The following RABGEF1 variants were observed in gnomAD, a reference collection of about 807,000 sequenced individuals.
RABGEF1 encodes rab5 GDP/GTP exchange factor.
Under a neutral mutation model 57.3 loss-of-function variants are expected in RABGEF1, and 26 were observed. The observed-to-expected ratio is 0.45, with a 90% CI of 0.33 to 0.63. The LOEUF (loss-of-function observed/expected upper bound fraction) is 0.63. Among genes scored for constraint, RABGEF1 ranks in the 20% least tolerant of loss-of-function variants. The probability of loss-of-function intolerance (pLI) is 0.02; values close to 1 mark genes in which losing one functional copy is unlikely to be tolerated. For missense variants in RABGEF1, 464 were observed against 607.6 expected (o/e 0.76, Z 2.48); for synonymous variants, 185 against 210.7 (o/e 0.88, Z 1.06).
At chr7:66,695,553 A>C (rs571055910) in intron 1 of RABGEF1, among the ~76,000 whole-genome samples, 2 of 152,244 alleles carry the variant, frequency 1.3e-5, no homozygotes, top group South Asian at 4.1e-4. Flanking sequence ...TCTGGGGAGG[A>C]CTGGGGACAA....
At position 66,783,660 on chromosome 7, in the gene RABGEF1, T is replaced by C; in HGVS notation, c.347-15T>C. 6.3e-7 allele frequency: 1 copy of C among 1,592,850 alleles called. No individual in the cohort carries two copies. The highest frequency in any genetic ancestry group is 8.6e-7 in the Non-Finnish European group (1 of 1,168,438). ...TTTATGTCATGAAACTTACTATGTT[T>C]AATTTTCCCAGCAGAAATTCAGGAA... On this transcript the variant is annotated splice_polypyrimidine_tract_variant and intron_variant, in intron 3 of 8. Transcript: ENST00000284957.
chr7:66,681,735 G>A (rs1449068878), upstream of RABGEF1, among the ~76,000 whole-genome samples: 1 of 152,160 alleles, frequency 6.6e-6, no homozygotes, highest in Non-Finnish European at 1.5e-5. Flanking sequence ...CACATCCTAG[G>A]ATCCGCGAAG....
At chr7:66,795,039 C>T (rs923547385) in intron 4 of RABGEF1, among the ~76,000 whole-genome samples, 5 of 152,118 alleles carry the variant, frequency 3.3e-5, no homozygotes, top group Admixed American at 2.0e-4. Context: ...GGAAAAACTC[C>T]AGCCAGCCTG....
At chr7:66,662,784 C>T in the RABGEF1 span, among the ~76,000 whole-genome samples, 12 of 150,468 alleles carry the variant, frequency 8.0e-5, no homozygotes, top group Non-Finnish European at 1.5e-4. Context: ...CGTGTGTGCA[C>T]GCATGTGTGT....
intron 8 of RABGEF1, among the ~76,000 whole-genome samples, chr7:66,805,973 G>A (rs1788357293): frequency 6.6e-6 from 1 of 150,722 alleles, no homozygotes; most frequent in Non-Finnish European, 1.5e-5. Context: ...TCATACTCCT[G>A]GACTCAAGCA....
chr7:66,741,988 AAAG>A (rs1799083265), intron 1 of RABGEF1, among the ~76,000 whole-genome samples: 1 of 151,712 alleles, frequency 6.6e-6, no homozygotes, highest in East Asian at 1.9e-4. Context: ...TAAAAAAAAA[AAAG>A]AAAAAGAAAA....
At position 66,714,791 on chromosome 7, in the gene RABGEF1, C is replaced by T. The variant is rs543455392; in HGVS notation, c.-815+2567C>T. On this transcript the variant is annotated intron_variant and NMD_transcript_variant, in intron 2 of 9. Coordinates refer to the RABGEF1 transcript ENST00000607882. ...TCTACTAAAAATACAAAAAATTAGC[C>T]GGGCATGGTGGCTGGCTCCTGTAGT... is the stretch of plus-strand genomic sequence containing the variant. 5.3e-5 allele frequency among the ~76,000 whole-genome samples: 8 copies of T among 152,184 alleles called. No homozygotes were observed. In the South Asian group the frequency reaches 1.2e-3, roughly 24 times the overall value.
At chr7:66,715,079 C>G (rs766935228) in intron 2 of RABGEF1, among the ~76,000 whole-genome samples, 10 of 151,696 alleles carry the variant, frequency 6.6e-5, no homozygotes, top group Non-Finnish European at 1.2e-4. Context: ...TTCTCTTTCT[C>G]TTTCTCCTCC....
At chr7:66,807,389 GT>G (rs1788680351) in intron 8 of RABGEF1, among the ~76,000 whole-genome samples, 1 of 152,144 alleles carries the variant, frequency 6.6e-6, no homozygotes, top group Non-Finnish European at 1.5e-5. Flanking sequence ...AACTTCTGTT[GT>G]TCCTTGGCTT....
chr7:66,702,524 G>T (rs949803206), intron 1 of RABGEF1, among the ~76,000 whole-genome samples: 5 of 152,038 alleles, frequency 3.3e-5, no homozygotes, highest in Non-Finnish European at 7.4e-5. Context: ...TGGGTCACAG[G>T]GCAATTCTAT....
At chr7:66,707,334 C>T (rs892152136) in intron 1 of RABGEF1, among the ~76,000 whole-genome samples, 4 of 151,870 alleles carry the variant, frequency 2.6e-5, no homozygotes, top group Admixed American at 6.6e-5. Context: ...TATAGATGTT[C>T]GTTAGGTCTG....
intron 3 of RABGEF1, among the ~76,000 whole-genome samples, chr7:66,783,251 T>G: frequency 6.6e-6 from 1 of 152,222 alleles, no homozygotes; most frequent in East Asian, 1.9e-4. Context: ...TTGGAAAGGT[T>G]GTCTGACATT....
chr7:66,771,865 A>C lies in RABGEF1; in HGVS notation c.-17-18A>C, dbSNP rs1404970730. The C allele has an allele frequency of 1.4e-6, 2 of 1,396,070 alleles. No individual in the cohort carries two copies. The highest frequency in any genetic ancestry group is 1.9e-6 in the Non-Finnish European group (2 of 1,059,964). 86.5% of individuals were successfully genotyped at this position (1,396,070 alleles called of 1,614,324 possible). On this transcript the variant is annotated intron_variant, in intron 1 of 8. Transcript: ENST00000284957. ...AGAATGATAATTCATTTTCAACAGC[A>C]CTTTCTTGTTTGTTCAGTGGTTAGC... is the stretch of plus-strand genomic sequence containing the variant.
chr7:66,693,017 G>A (rs1363353616), intron 1 of RABGEF1, among the ~76,000 whole-genome samples: 3 of 152,172 alleles, frequency 2.0e-5, no homozygotes, highest in East Asian at 1.9e-4. Flanking sequence ...TAGAGGCCCA[G>A]GCCCTCCTAG....
At chr7:66,756,612 C>A (rs963419815) in intron 1 of RABGEF1, among the ~76,000 whole-genome samples, 1 of 152,022 alleles carries the variant, frequency 6.6e-6, no homozygotes, top group Non-Finnish European at 1.5e-5. Flanking sequence ...CTACAGATAG[C>A]CTCTTAAAAA....
chr7:66,674,637 T>A, the RABGEF1 span, among the ~76,000 whole-genome samples: 1 of 152,076 alleles, frequency 6.6e-6, no homozygotes, highest in African/African-American at 2.4e-5. Context: ...AACAAACTAC[T>A]GGTACACACA....
chr7:66,688,999 A>G (rs1479031788), intron 1 of RABGEF1, among the ~76,000 whole-genome samples: 4 of 152,200 alleles, frequency 2.6e-5, no homozygotes. Context: ...AGGCTGGGGC[A>G]GGAGAATTCC....
chr7:66,682,127 C>G (rs933293059), upstream of RABGEF1: 3 of 167,532 alleles, frequency 1.8e-5, no homozygotes, highest in African/African-American at 4.8e-5. Flanking sequence ...GCGGGGCAAG[C>G]AGGGGGTGTG....
chr7:66,761,187 C>T (rs1304365172), intron 1 of RABGEF1, among the ~76,000 whole-genome samples: 1 of 152,166 alleles, frequency 6.6e-6, no homozygotes, highest in Admixed American at 6.5e-5. Context: ...CTACACACCA[C>T]ACCAGCTGGG....
Sources: allele counts gnomAD v4.1 joint callset (sites outside exome capture counted in the v4.1 genomes callset), GRCh38; gene constraint gnomAD v4.1.1; transcripts MANE v1.5; gene names NCBI Gene and HGNC (gene_info 2026-07-23, HGNC 2026-07-21).